Variants in ZNF266 observed in about 807,000 individuals in gnomAD.
ZNF266 encodes zinc finger protein 1.
Under a neutral mutation model 16.4 loss-of-function variants are expected in ZNF266, and 16 were observed. The observed-to-expected ratio is 0.98, with a 90% CI of 0.66 to 1.48. The LOEUF (loss-of-function observed/expected upper bound fraction) is 1.48, where lower values mean the gene tolerates loss of function less well. Ranked by LOEUF, ZNF266 falls within the 40% of genes most tolerant of loss-of-function variation. ZNF266 has a pLI of 0.00. For synonymous variants in ZNF266, 262 were observed against 237.9 expected (o/e 1.10, Z -0.93); for missense variants, 738 against 689.1 (o/e 1.07, Z -0.79).
chr19:9,417,023 T>C (rs2069135932), intron 9 of ZNF266, among the ~76,000 whole-genome samples: 1 of 152,074 alleles, frequency 6.6e-6, no homozygotes, highest in Non-Finnish European at 1.5e-5. Flanking sequence ...CAGAAAAGAA[T>C]GAGTAGACAA....
Position 9,413,426 on chromosome 19 carries a change from G to A in ZNF266, c.1700C>T (p.Ser567Phe). ...KPYKCKQCGK[S>F]FSYSNSFQLH... The stretch of plus-strand genomic sequence containing the variant: ...CTGAAACGAATTGGAGTAACTGAAG[G>A]ATTTCCCACACTGTTTACATTTGTA... Residue 567 changes from serine to phenylalanine, a missense_variant, in exon 11 of 11, where the codon TCC becomes TTC. By Grantham distance (155) the Ser-to-Phe change is radical. Coordinates refer to ENST00000592904, the MANE Select transcript of ZNF266 (RefSeq NM_001370374.1). 1 of 1,614,098 alleles carries A rather than the reference G, an allele frequency of 6.2e-7. No homozygotes were observed. The highest frequency in any genetic ancestry group is 2.2e-5 in the East Asian group (1 of 44,880).
chr19:9,414,605 T>G lies in ZNF266; in HGVS notation c.521A>C (p.Glu174Ala). 6.2e-7 allele frequency: 1 copy of G among 1,612,424 alleles called. No individual in the cohort carries two copies. Among genetic ancestry groups the G allele is most frequent in the Non-Finnish European group, 8.5e-7 (1 of 1,178,480 alleles). The stretch of plus-strand genomic sequence containing the variant: ...GAAGTCTACTCCATACAGATAACAC[T>G]CAAATGTGTTCTCACTATTTTGAGT... ...VRTQNSENTF[E>A]CYLYGVDFLT... The change falls in exon 11 of 11, where the codon GAG becomes GCG. Residue 174 changes from glutamate (E) to alanine (A), a missense_variant. Coordinates refer to ENST00000592904, the MANE Select transcript of ZNF266 (RefSeq NM_001370374.1).
rs759469256 is a variant in ZNF266 at position 9,418,490 on chromosome 19, T to C, written c.235+15A>G. The C allele has an allele frequency of 2.5e-6, 4 of 1,613,900 alleles. No homozygotes were observed. The Admixed American group carries it at 6.7e-5, about 27-fold the overall frequency. ...CTGTTCCATAGTAGGCTACAAGGGA[T>C]GAGGCCAGTCTTACCTACTGTGGCC... On this transcript the variant is annotated intron_variant, in intron 8 of 10. Coordinates refer to ENST00000592904, the MANE Select transcript of ZNF266 (RefSeq NM_001370374.1).
At chr19:9,422,193 T>C (rs1028308995) in intron 5 of ZNF266, among the ~76,000 whole-genome samples, 4 of 152,124 alleles carry the variant, frequency 2.6e-5, no homozygotes, top group Non-Finnish European at 5.9e-5. Context: ...TGCGAGTCTC[T>C]AGGAATGTTC....
chr19:9,413,245 C>G lies in ZNF266; in HGVS notation c.*30G>C. On this transcript the variant is annotated 3_prime_UTR_variant, in exon 11 of 11. Transcript: ENST00000592904. ...TGAGTTTTCATGTCTTCAGAGAGAA[C>G]AGGGACACCTTTAGGTTTTCCCACA... 1 of 1,538,328 alleles carries G rather than the reference C, an allele frequency of 6.5e-7. No individual in the cohort carries two copies. Among genetic ancestry groups the G allele is most frequent in the Non-Finnish European group, 8.7e-7 (1 of 1,145,610 alleles).
intron 7 of ZNF266, 95 bp from the exon 8 acceptor site, chr19:9,418,726 T>G (rs979309566): frequency 7.7e-6 from 5 of 651,964 alleles, no homozygotes; most frequent in African/African-American, 7.2e-5. Context: ...GGGCTCACAT[T>G]GCCCACCCCA....
At chr19:9,431,066 G>A (rs1433844562) in intron 5 of ZNF266, among the ~76,000 whole-genome samples, 3 of 152,216 alleles carry the variant, frequency 2.0e-5, no homozygotes, top group African/African-American at 7.2e-5. Context: ...GGTCGGGACA[G>A]AGCTAGAATT....
In ZNF266 at chr19:9,414,115, A is replaced by G; in HGVS notation, c.1011T>C (p.Cys337=). ...KTHTGEKPYK[C]KDCGRAFTVS... is the part of the protein sequence containing the mutation. ...CAGTGAAGGCTCTCCCACAATCCTT[A>G]CATTTATAAGGTTTCTCTCCAGTGT... The change falls in exon 11 of 11, where the codon TGT becomes TGC. Residue 337 remains cysteine (C), a synonymous_variant. Transcript: ENST00000592904. The G allele has an allele frequency of 1.2e-6, 2 of 1,613,784 alleles. No individual in the cohort carries two copies. Among genetic ancestry groups the G allele is most frequent in the Admixed American group, 1.7e-5 (1 of 60,012 alleles).
chr19:9,429,164 T>G (rs2071215382), intron 5 of ZNF266, among the ~76,000 whole-genome samples: 1 of 152,178 alleles, frequency 6.6e-6, no homozygotes. Context: ...AATAACTACT[T>G]TTCAAATTCC....
chr19:9,431,831 C>T (rs1216824061), intron 5 of ZNF266, among the ~76,000 whole-genome samples: 1 of 152,218 alleles, frequency 6.6e-6, no homozygotes, highest in Non-Finnish European at 1.5e-5. Context: ...CACCTGCTGG[C>T]ATTCATACCC....
chr19:9,415,526 C>T, intron 10 of ZNF266, 128 bp downstream of exon 10: 1 of 740,520 alleles, frequency 1.4e-6, no homozygotes, highest in Non-Finnish European at 2.2e-6. Flanking sequence ...GATCCTCCCA[C>T]TTCAGCCTCC....
Position 9,418,489 on chromosome 19 carries a change from A to G in ZNF266, c.235+16T>C, listed in dbSNP as rs374728931. The G allele has an allele frequency of 4.3e-6, 7 of 1,613,934 alleles. No individual in the cohort carries two copies. In the African/African-American group the frequency reaches 9.3e-5, roughly 22 times the overall value. On this transcript the variant is annotated intron_variant, in intron 8 of 10. Coordinates refer to ENST00000592904, the MANE Select transcript of ZNF266 (RefSeq NM_001370374.1). The stretch of plus-strand genomic sequence containing the variant: ...TCTGTTCCATAGTAGGCTACAAGGG[A>G]TGAGGCCAGTCTTACCTACTGTGGC...
chr19:9,426,370 A>G (rs1187314074), intron 5 of ZNF266, among the ~76,000 whole-genome samples: 3 of 152,122 alleles, frequency 2.0e-5, no homozygotes, highest in Non-Finnish European at 1.5e-5. Context: ...GATTGTCTTG[A>G]GGTCTGGAGT....
rs761505702 is a variant in ZNF266 at position 9,417,825 on chromosome 19, C to T, written c.316+3G>A. On this transcript the variant is annotated splice_donor_region_variant and intron_variant, in intron 9 of 10. Transcript: ENST00000592904. ...ACCAGGGCGGTCCTTTGTGAACACT[C>T]ACCTTGGAAATCACCTCTCTGCACT... 6.2e-7 allele frequency: 1 copy of T among 1,613,424 alleles called. No individual in the cohort carries two copies. The highest frequency in any genetic ancestry group is 8.5e-7 in the Non-Finnish European group (1 of 1,179,528).
intron 9 of ZNF266, among the ~76,000 whole-genome samples, chr19:9,417,256 C>A (rs986031581): frequency 7.2e-5 from 11 of 152,062 alleles, no homozygotes; most frequent in Non-Finnish European, 1.6e-4. Context: ...GTAGTCCCGG[C>A]TACTCGGGAG....
intron 5 of ZNF266, among the ~76,000 whole-genome samples, chr19:9,423,526 C>T (rs953106026): frequency 6.6e-6 from 1 of 152,208 alleles, no homozygotes; most frequent in Non-Finnish European, 1.5e-5. Flanking sequence ...CACCCCATCA[C>T]TCAGAAGCAG....
chr19:9,430,254 G>A (rs893210890), intron 5 of ZNF266, among the ~76,000 whole-genome samples: 11 of 152,156 alleles, frequency 7.2e-5, no homozygotes, highest in South Asian at 2.1e-4. Context: ...CTGTAAGTAC[G>A]CTTCCTGTAT....
Position 9,427,388 on chromosome 19 carries a change from C to T in ZNF266, c.-130+6280G>A, listed in dbSNP as rs193121227. On this transcript the variant is annotated intron_variant, in intron 5 of 10. Coordinates refer to ENST00000592904, the MANE Select transcript of ZNF266 (RefSeq NM_001370374.1). ...AGGCTAGAATGCAGTGGCACAATCT[C>T]GGTTCACTGCAACCTCCGCCACCCA... Among the ~76,000 whole-genome samples the T allele has an allele frequency of 3.7e-3, 570 of 152,120 alleles. 4 individuals are homozygous for T. The highest frequency in any genetic ancestry group is 0.013 in the African/African-American group (537 of 41,476).
intron 5 of ZNF266, among the ~76,000 whole-genome samples, chr19:9,427,367 T>C (rs553687752): frequency 2.0e-5 from 3 of 152,280 alleles, no homozygotes; most frequent in South Asian, 4.1e-4. Context: ...TCACCCAGGC[T>C]AGAATGCAGT....
Sources: allele counts gnomAD v4.1 joint callset (sites outside exome capture counted in the v4.1 genomes callset), GRCh38; gene constraint gnomAD v4.1.1; transcripts MANE v1.5; gene names NCBI Gene and HGNC (gene_info 2026-07-23, HGNC 2026-07-21).